PLA2R1: variants seen among roughly 807,000 people sequenced by gnomAD.
PLA2R1 encodes the protein secretory phospholipase A2 receptor.
In PLA2R1, 158 loss-of-function variants were observed where a neutral mutation model predicts 195.9. The observed-to-expected ratio is 0.81, with a 90% CI of 0.71 to 0.92. PLA2R1 has a LOEUF of 0.92. Among genes scored for constraint, PLA2R1 ranks in the 40% least tolerant of loss-of-function variants. The pLI is 0.00. For missense variants in PLA2R1, 1,626 were observed against 1,764.6 expected (o/e 0.92, Z 1.41); for synonymous variants, 586 against 598.2 (o/e 0.98, Z 0.30).
chr2:160,015,924 C>G (rs1161869156), intron 9 of PLA2R1, among the ~76,000 whole-genome samples: 1 of 152,244 alleles, frequency 6.6e-6, no homozygotes, highest in Non-Finnish European at 1.5e-5. Context: ...ATAGTTCACT[C>G]TGACTCAGAG....
At chr2:159,966,318 C>T (rs989762556) in intron 20 of PLA2R1, among the ~76,000 whole-genome samples, 2 of 152,154 alleles carry the variant, frequency 1.3e-5, no homozygotes, top group African/African-American at 2.4e-5. Flanking sequence ...ATTCCACTTA[C>T]ATGAGGTATC....
chr2:160,061,980 A>G (rs1406877436), intron 1 of PLA2R1, among the ~76,000 whole-genome samples: 1 of 151,984 alleles, frequency 6.6e-6, no homozygotes, highest in Non-Finnish European at 1.5e-5. Context: ...CGACACTCCT[A>G]TCCCGGGCTG....
intron 3 of PLA2R1, among the ~76,000 whole-genome samples, chr2:160,037,761 T>G (rs553903412): frequency 2.6e-5 from 4 of 152,200 alleles, no homozygotes; most frequent in Non-Finnish European, 5.9e-5. Flanking sequence ...CTTCTACTCA[T>G]CTCTTGGGCT....
rs1686704268 is a variant in PLA2R1, at chr2:159,934,202, G to A, written c.*7576C>T. The A allele has an allele frequency of 6.6e-6, 1 of 152,256 alleles. No homozygotes were observed. The highest frequency in any genetic ancestry group is 2.4e-5 in the African/African-American group (1 of 41,464). The allele number at this position is 152,256 out of a possible 1,614,324, so 9.4% of individuals were successfully genotyped here. A position where few individuals can be genotyped will look rare whatever the true frequency, so the allele number is the denominator to read the frequency against. ...TCTCCAAGAACAAAATGGAAACTAA[G>A]TGAGTTTTTCCCTGCTGTACCCTAT... is the stretch of plus-strand genomic sequence containing the variant. On this transcript the variant is annotated 3_prime_UTR_variant, in exon 30 of 30. Transcript: ENST00000283243.
In PLA2R1 at chr2:160,044,921, G is replaced by A. The variant is rs770554181; in HGVS notation, c.346C>T (p.Arg116Cys). ...CCTGTGATCATCTTCCTGTTACAGC[G>A]CCACCGTAAGGAAACGAGGGTGGAG... The part of the protein sequence containing the change: ...CDSTLVSLRW[R>C]CNRKMITGPL... The change falls in exon 2 of 30, where the codon CGC (arginine) becomes TGC (cysteine). Residue 116 changes from arginine to cysteine, a missense_variant. Arg to Cys is a radical substitution (Grantham distance 180, BLOSUM62 -3). Coordinates refer to ENST00000283243, the MANE Select transcript of PLA2R1 (RefSeq NM_007366.5). 1.2e-5 allele frequency: 20 copies of A among 1,613,906 alleles called. No individual in the cohort carries two copies. The highest frequency in any genetic ancestry group is 6.7e-5 in the Admixed American group (4 of 59,990).
At chr2:159,961,489 G>C (rs1176785386) in intron 20 of PLA2R1, among the ~76,000 whole-genome samples, 1 of 152,166 alleles carries the variant, frequency 6.6e-6, no homozygotes, top group Non-Finnish European at 1.5e-5. Flanking sequence ...AAGCTCACCT[G>C]CTGATTCTAA....
Position 160,022,741 on chromosome 2 carries a change from A to C in PLA2R1, c.1218T>G (p.Cys406Trp), listed in dbSNP as rs371704841. The change falls in exon 7 of 30, where the codon TGT becomes TGG. Residue 406 changes from cysteine to tryptophan, a missense_variant. Physicochemically the swap from Cys to Trp is radical, Grantham distance 215 (BLOSUM62 -2). Transcript: ENST00000283243. ...EKTWHEALRSCQADNSALIDI... is the reference protein window; with the variant it reads ...EKTWHEALRSWQADNSALIDI... ...CTATTAATGCACTGTTATCAGCCTGACAAGAACGCAGAGCCTCATGCCAGG... is the reference window on the plus strand; with the variant it reads ...CTATTAATGCACTGTTATCAGCCTGCCAAGAACGCAGAGCCTCATGCCAGG... 9 of 1,613,654 alleles carry C rather than the reference A, an allele frequency of 5.6e-6. No homozygotes were observed. Among genetic ancestry groups the C allele is most frequent in the Non-Finnish European group, 7.6e-6 (9 of 1,179,540 alleles).
intron 18 of PLA2R1, among the ~76,000 whole-genome samples, chr2:159,969,785 C>T (rs1465347065): frequency 4.6e-5 from 7 of 152,132 alleles, no homozygotes; most frequent in South Asian, 4.1e-4. Flanking sequence ...TCAGGCGATC[C>T]GCCCTCCTTG....
chr2:160,031,777 T>A (rs907878011), intron 4 of PLA2R1, among the ~76,000 whole-genome samples: 1 of 152,340 alleles, frequency 6.6e-6, no homozygotes, highest in African/African-American at 2.4e-5. Context: ...TATGTATTTA[T>A]GTATTTTGAT....
At chr2:160,022,102 A>G (rs1693168597) in intron 7 of PLA2R1, among the ~76,000 whole-genome samples, 1 of 152,364 alleles carries the variant, frequency 6.6e-6, no homozygotes, top group Non-Finnish European at 1.5e-5. Flanking sequence ...AAAATGAAAT[A>G]AATAATTTCA....
intron 11 of PLA2R1, among the ~76,000 whole-genome samples, chr2:159,998,123 A>G (rs1691350767): frequency 6.6e-6 from 1 of 152,110 alleles, no homozygotes; most frequent in African/African-American, 2.4e-5. Flanking sequence ...GGGTGCTCAC[A>G]TTGGTGGCTG....
chr2:159,943,817 T>C (rs1403690239), intron 28 of PLA2R1, among the ~76,000 whole-genome samples: 1 of 151,934 alleles, frequency 6.6e-6, no homozygotes, highest in Non-Finnish European at 1.5e-5. Flanking sequence ...TTTTTTTTTT[T>C]TCTCTCACAC....
chr2:159,968,258 G>T (rs1318334133), intron 19 of PLA2R1, among the ~76,000 whole-genome samples: 1 of 149,812 alleles, frequency 6.7e-6, no homozygotes, highest in African/African-American at 2.5e-5. Flanking sequence ...ATTTAGAAGA[G>T]CTATATTTTC....
At chr2:160,052,243 G>T (rs1031018521) in intron 1 of PLA2R1, among the ~76,000 whole-genome samples, 1 of 152,110 alleles carries the variant, frequency 6.6e-6, no homozygotes, top group Admixed American at 6.5e-5. Context: ...CAGTGCCACC[G>T]GACTGCAGTT....
chr2:160,022,655 TG>T lies in PLA2R1; in HGVS notation c.1294+9del. 1 of 1,542,812 alleles carries T rather than the reference TG, an allele frequency of 6.5e-7. No individual in the cohort carries two copies. The highest frequency in any genetic ancestry group is 8.8e-7 in the Non-Finnish European group (1 of 1,137,152). The stretch of plus-strand genomic sequence containing the variant: ...TTATGCCTTTTAAACCAAAGGCAGC[TG>T]GGACTCACCATCTCCAAGGAGGGTT... On this transcript the variant is annotated intron_variant, in intron 7 of 29. Coordinates refer to ENST00000283243, the MANE Select transcript of PLA2R1 (RefSeq NM_007366.5).
intron 25 of PLA2R1, 64 bp downstream of exon 25, chr2:159,949,544 C>A: frequency 8.2e-7 from 1 of 1,215,198 alleles, no homozygotes. Flanking sequence ...CTTTGCTTAG[C>A]ACAGTGTCTT....
chr2:159,970,136 C>G lies in PLA2R1; in HGVS notation c.2660+12G>C. 1 of 1,564,312 alleles carries G rather than the reference C, an allele frequency of 6.4e-7. No homozygotes were observed. Among genetic ancestry groups the G allele is most frequent in the Non-Finnish European group, 8.8e-7 (1 of 1,139,296 alleles). On this transcript the variant is annotated intron_variant, in intron 18 of 29. Coordinates refer to ENST00000283243, the MANE Select transcript of PLA2R1 (RefSeq NM_007366.5). ...CAAACAAAATTAAATGCAAATGAATCTAGGTTCATACCGAAATTCATCATT... is the reference window on the plus strand; with the variant it reads ...CAAACAAAATTAAATGCAAATGAATGTAGGTTCATACCGAAATTCATCATT...
intron 3 of PLA2R1, 46 bp from the exon 4 acceptor site, chr2:160,033,178 T>G: frequency 7.1e-7 from 1 of 1,400,822 alleles, no homozygotes. Flanking sequence ...ATTTTATCTA[T>G]ACAGCAACAT....
At chr2:159,987,075 G>T in intron 12 of PLA2R1, 81 bp downstream of exon 12, 1 of 1,134,674 alleles carries the variant, frequency 8.8e-7, no homozygotes, top group Non-Finnish European at 1.3e-6. Flanking sequence ...AAGGGCCCCG[G>T]AATAAAGGAA....
Sources: allele counts gnomAD v4.1 joint callset (sites outside exome capture counted in the v4.1 genomes callset), GRCh38; gene constraint gnomAD v4.1.1; transcripts MANE v1.5; gene names NCBI Gene and HGNC (gene_info 2026-07-23, HGNC 2026-07-21).